The following CWC22 variants were observed in gnomAD, a reference collection of about 807,000 sequenced individuals.
The protein encoded by CWC22 is pre-mRNA-splicing factor CWC22 homolog.
A neutral mutation model predicts 117.2 loss-of-function variants in CWC22; 53 were observed. The observed-to-expected ratio is 0.45, with a 90% confidence interval of 0.36 to 0.57. The LOEUF (loss-of-function observed/expected upper bound fraction) is 0.57, where lower values mean the gene tolerates loss of function less well. Ranked by LOEUF, CWC22 falls within the 20% of genes least tolerant of loss-of-function variation. The probability of loss-of-function intolerance (pLI) is 0.00; values close to 1 mark genes in which losing one functional copy is unlikely to be tolerated. For synonymous variants in CWC22, 360 were observed against 355.6 expected (o/e 1.01, Z -0.14); for missense variants, 980 against 1,068.8 (o/e 0.92, Z 1.16).
At chr2:179,996,462 A>G (rs1257089025) in intron 1 of CWC22, among the ~76,000 whole-genome samples, 1 of 152,194 alleles carries the variant, frequency 6.6e-6, no homozygotes, top group African/African-American at 2.4e-5. Flanking sequence ...AGCCAAAGAT[A>G]AAGAGAAAAA....
At chr2:179,984,151 G>A (rs1214624669) in intron 4 of CWC22, among the ~76,000 whole-genome samples, 1 of 152,066 alleles carries the variant, frequency 6.6e-6, no homozygotes, top group Middle Eastern at 3.2e-3. Flanking sequence ...AACAGTCAGG[G>A]ATTGTGAAAA....
intron 12 of CWC22, among the ~76,000 whole-genome samples, chr2:179,965,192 C>A (rs1279503697): frequency 6.6e-6 from 1 of 152,080 alleles, no homozygotes; most frequent in Non-Finnish European, 1.5e-5. Flanking sequence ...AAAATTAAAT[C>A]TATTTTTACA....
At chr2:179,968,887 A>G (rs1320286554) in intron 11 of CWC22, among the ~76,000 whole-genome samples, 2 of 152,190 alleles carry the variant, frequency 1.3e-5, no homozygotes, top group African/African-American at 4.8e-5. Flanking sequence ...GATTTTCATA[A>G]AAATATGTAA....
Position 179,954,987 on chromosome 2 carries a change from T to C in CWC22, c.1506A>G (p.Thr502=), listed in dbSNP as rs368961005. Residue 502 remains threonine, a synonymous_variant, in exon 15 of 20, where the codon ACA becomes ACG. Coordinates refer to ENST00000410053, the MANE Select transcript of CWC22 (RefSeq NM_020943.3). ...CTAATAAGCCAAAAAATTTTTCGTA[T>C]GTCCTCTGTTGGGCACAGCAATCAA... ...MILDCCAQQR[T]YEKFFGLLAG... 3 of 1,601,838 alleles carry C rather than the reference T, an allele frequency of 1.9e-6. No individual in the cohort carries two copies. Among genetic ancestry groups the C allele is most frequent in the Non-Finnish European group, 2.6e-6 (3 of 1,173,596 alleles).
chr2:179,947,155 T>C (rs1044198638), intron 19 of CWC22, among the ~76,000 whole-genome samples: 17 of 152,208 alleles, frequency 1.1e-4, no homozygotes, highest in African/African-American at 4.1e-4. Flanking sequence ...AAGTGCCTCT[T>C]GTCACCCTAA....
intron 15 of CWC22, 147 bp from the exon 16 acceptor site, chr2:179,954,504 G>A: frequency 5.4e-6 from 3 of 558,324 alleles, no homozygotes; most frequent in South Asian, 3.1e-5. Context: ...TGTGCCATAT[G>A]ATGCTCAAAA....
intron 4 of CWC22, among the ~76,000 whole-genome samples, chr2:179,984,806 G>A (rs1687376681): frequency 6.6e-6 from 1 of 151,984 alleles, no homozygotes; most frequent in Non-Finnish European, 1.5e-5. Flanking sequence ...AATAATGTTA[G>A]TTTTGTAAGA....
At chr2:179,961,989 T>C (rs1032485147) in intron 13 of CWC22, among the ~76,000 whole-genome samples, 2 of 152,102 alleles carry the variant, frequency 1.3e-5, no homozygotes, top group South Asian at 2.1e-4. Flanking sequence ...TGTTTACAAA[T>C]GGTTTTGTTG....
intron 1 of CWC22, among the ~76,000 whole-genome samples, chr2:180,001,366 C>T (rs1687846564): frequency 6.6e-6 from 1 of 151,408 alleles, no homozygotes; most frequent in African/African-American, 2.4e-5. Context: ...CTGACTGTCA[C>T]CCAGGCTGGA....
At chr2:179,968,444 T>C (rs981688171) in intron 11 of CWC22, among the ~76,000 whole-genome samples, 1 of 152,094 alleles carries the variant, frequency 6.6e-6, no homozygotes, top group Non-Finnish European at 1.5e-5. Flanking sequence ...GAAACAGATA[T>C]GAGAGTCCAG....
chr2:179,984,458 T>C (rs1575653484), intron 4 of CWC22, among the ~76,000 whole-genome samples: 1 of 151,924 alleles, frequency 6.6e-6, no homozygotes, highest in Admixed American at 6.6e-5. Flanking sequence ...TACTAGAAAG[T>C]GATGAGAAGG....
intron 4 of CWC22, among the ~76,000 whole-genome samples, chr2:179,986,480 A>C (rs1180802958): frequency 6.6e-6 from 1 of 152,118 alleles, no homozygotes; most frequent in Non-Finnish European, 1.5e-5. Flanking sequence ...TCTAGACCTC[A>C]GTTTCTTCAG....
intron 19 of CWC22, among the ~76,000 whole-genome samples, chr2:179,947,640 TA>T (rs999675002): frequency 9.2e-5 from 14 of 152,150 alleles, no homozygotes; most frequent in Non-Finnish European, 7.4e-5. Flanking sequence ...CTGTAGAATA[TA>T]AAAATGGTGA....
Position 179,956,918 on chromosome 2 carries a change from G to A in CWC22, c.1459-1884C>T, listed in dbSNP as rs189614673. The stretch of plus-strand genomic sequence containing the variant: ...AATTACCTTCTTCCCTAGACTAAAC[G>A]CAATTATAAGAGTTATTCCCTCTAG... On this transcript the variant is annotated intron_variant, in intron 14 of 19. Coordinates refer to ENST00000410053, the MANE Select transcript of CWC22 (RefSeq NM_020943.3). Among the ~76,000 whole-genome samples, 8 of 151,664 alleles carry A rather than the reference G, an allele frequency of 5.3e-5. No homozygotes were observed. In the East Asian group the frequency reaches 1.2e-3, roughly 22 times the overall value.
At chr2:179,985,172 C>T (rs1235107729) in intron 4 of CWC22, among the ~76,000 whole-genome samples, 1 of 151,992 alleles carries the variant, frequency 6.6e-6, no homozygotes, top group East Asian at 1.9e-4. Context: ...GGAATCTATT[C>T]TCTTTCTACT....
intron 18 of CWC22, 34 bp from the exon 19 acceptor site, chr2:179,950,766 C>T: frequency 1.9e-6 from 3 of 1,600,334 alleles, no homozygotes; most frequent in Non-Finnish European, 2.6e-6. Flanking sequence ...GATTCTATTT[C>T]AAAGACAATT....
chr2:179,982,114 G>A, intron 4 of CWC22, 117 bp from the exon 5 acceptor site: 1 of 638,848 alleles, frequency 1.6e-6, no homozygotes, highest in Non-Finnish European at 2.7e-6. Context: ...ACTAGGAAAA[G>A]TGGTTTAGAA....
At chr2:179,978,151 A>C in intron 6 of CWC22, 39 bp downstream of exon 6, 1 of 1,448,562 alleles carries the variant, frequency 6.9e-7, no homozygotes, top group African/African-American at 1.5e-5. Flanking sequence ...CTTTGAAAAA[A>C]TACTTAGAAA....
At chr2:179,958,330 C>CAAAAAA (rs11453659) in intron 14 of CWC22, among the ~76,000 whole-genome samples, 3 of 92,764 alleles carry the variant, frequency 3.2e-5, no homozygotes, top group Non-Finnish European at 3.9e-5. Flanking sequence ...GACTCTGGCT[C>CAAAAAA]AAAAAAAAAA....
Sources: allele counts gnomAD v4.1 joint callset (sites outside exome capture counted in the v4.1 genomes callset), GRCh38; gene constraint gnomAD v4.1.1; transcripts MANE v1.5; gene names NCBI Gene and HGNC (gene_info 2026-07-23, HGNC 2026-07-21).